Variants in MYLK observed in about 807,000 individuals in gnomAD.
MYLK encodes myosin light chain kinase.
In MYLK, 106 loss-of-function variants were observed where a neutral mutation model predicts 203.4. The observed-to-expected ratio is 0.52, with a 90% CI of 0.45 to 0.61. The LOEUF (loss-of-function observed/expected upper bound fraction) is 0.61, where lower values mean the gene tolerates loss of function less well. Among genes scored for constraint, MYLK ranks in the 20% least tolerant of loss-of-function variants. The pLI is 0.00. For missense variants in MYLK, 2,072 were observed against 2,442.3 expected (o/e 0.85, Z 3.20); for synonymous variants, 867 against 959.5 (o/e 0.90, Z 1.78).
chr3:123,682,804 TGACAAACCAAA>T (rs2060315224), intron 19 of MYLK, among the ~76,000 whole-genome samples: 1 of 152,118 alleles, frequency 6.6e-6, no homozygotes, highest in Non-Finnish European at 1.5e-5. Flanking sequence ...AACTTTGCAG[TGACAAACCAAA>T]CGGAGGCCTC....
At chr3:123,798,776 C>T (rs1577010959) in intron 3 of MYLK, among the ~76,000 whole-genome samples, 2 of 152,298 alleles carry the variant, frequency 1.3e-5, no homozygotes, top group Middle Eastern at 6.8e-3. Flanking sequence ...CCACACCAAA[C>T]AGCTCTGCTC....
chr3:123,851,626 A>T (rs1164880332), intron 2 of MYLK, among the ~76,000 whole-genome samples: 3 of 152,220 alleles, frequency 2.0e-5, no homozygotes, highest in Non-Finnish European at 4.4e-5. Flanking sequence ...GTTGCTTATC[A>T]GCTTAAGGAG....
At chr3:123,739,481 G>C (rs968607371) in intron 6 of MYLK, among the ~76,000 whole-genome samples, 1 of 152,230 alleles carries the variant, frequency 6.6e-6, no homozygotes, top group Admixed American at 6.5e-5. Flanking sequence ...CAAGGGCCTA[G>C]GAGATGAAAC....
chr3:123,768,841 T>C (rs61303373), intron 4 of MYLK, among the ~76,000 whole-genome samples: 6 of 152,304 alleles, frequency 3.9e-5, no homozygotes, highest in African/African-American at 1.2e-4. Flanking sequence ...CTTAGAAATA[T>C]GCACTGCTGG....
chr3:123,688,499 G>A (rs2060544192), intron 19 of MYLK, among the ~76,000 whole-genome samples: 3 of 152,090 alleles, frequency 2.0e-5, no homozygotes. Flanking sequence ...CCCCCATTGT[G>A]CTCCCTGCTT....
At chr3:123,806,304 C>T (rs1022103491) in intron 3 of MYLK, among the ~76,000 whole-genome samples, 1 of 152,188 alleles carries the variant, frequency 6.6e-6, no homozygotes, top group African/African-American at 2.4e-5. Flanking sequence ...GAGTGGACCA[C>T]TGTATCTTCA....
chr3:123,701,237 C>CAAAAA (rs35577296), intron 17 of MYLK, among the ~76,000 whole-genome samples: 1 of 116,250 alleles, frequency 8.6e-6, no homozygotes, highest in Admixed American at 9.2e-5. Flanking sequence ...AGGGTGTGTG[C>CAAAAA]AAAAAAAAAA....
At chr3:123,688,649 C>T (rs1487991807) in intron 19 of MYLK, among the ~76,000 whole-genome samples, 1 of 152,090 alleles carries the variant, frequency 6.6e-6, no homozygotes, top group Non-Finnish European at 1.5e-5. Context: ...GGTCCACGGT[C>T]CTCCTCAACC....
rs372790622 is a variant in MYLK at position 123,793,539 on chromosome 3, C to T, written c.165+138G>A. 134 of 902,510 alleles carry T rather than the reference C, an allele frequency of 1.5e-4. No individual in the cohort carries two copies. The Middle Eastern group carries it at 1.7e-3, about 12-fold the overall frequency. The allele number at this position is 902,510 out of a possible 1,614,324, so 55.9% of individuals were successfully genotyped here. On this transcript the variant is annotated intron_variant, in intron 4 of 33. Coordinates refer to ENST00000360304, the MANE Select transcript of MYLK (RefSeq NM_053025.4). The stretch of plus-strand genomic sequence containing the variant: ...AAACAAAAGAAAGAGAAAAGTGGCA[C>T]AGGTTCGTTTTACATGAAGGTCCAA...
At chr3:123,843,594 C>T (rs987003353) in intron 2 of MYLK, among the ~76,000 whole-genome samples, 7 of 152,192 alleles carry the variant, frequency 4.6e-5, no homozygotes, top group Non-Finnish European at 1.0e-4. Flanking sequence ...AAGAGAGATG[C>T]CTCCAACTTC....
intron 2 of MYLK, among the ~76,000 whole-genome samples, chr3:123,857,720 T>C (rs1372475303): frequency 1.3e-5 from 2 of 151,268 alleles, no homozygotes; most frequent in Non-Finnish European, 2.9e-5. Flanking sequence ...GTGGGTGCAG[T>C]GCACCAGCAT....
rs776358725 is a variant in MYLK, at chr3:123,701,004, C to T, written c.2464G>A (p.Gly822Arg). The change falls in exon 18 of 34, where the codon GGG (glycine) becomes AGG (arginine). Residue 822 changes from glycine to arginine, a missense_variant and splice_region_variant. Transcript: ENST00000360304. ...TCCTCGCAGCTGGCAGGCTCCCTCC[C>T]CCTGCAACCAGTGTAGGGAAAAAGG... Reference protein sequence around the residue: ...QNSSARALPRGREPASCEDLC... With the variant: ...QNSSARALPRRREPASCEDLC... 6 of 1,603,462 alleles carry T rather than the reference C, an allele frequency of 3.7e-6. No individual in the cohort carries two copies. Among genetic ancestry groups the T allele is most frequent in the Middle Eastern group, 1.7e-4 (1 of 6,058 alleles).
intron 29 of MYLK, among the ~76,000 whole-genome samples, chr3:123,637,451 G>A (rs1364922881): frequency 1.3e-5 from 2 of 152,166 alleles, no homozygotes; most frequent in Admixed American, 1.3e-4. Flanking sequence ...GGCCTAGATG[G>A]CTGGCCTCCC....
At chr3:123,694,452 C>G (rs1369530058) in intron 18 of MYLK, among the ~76,000 whole-genome samples, 1 of 152,104 alleles carries the variant, frequency 6.6e-6, no homozygotes, top group Non-Finnish European at 1.5e-5. Context: ...TTCCATTCAT[C>G]TGGGTGGGCG....
In MYLK at chr3:123,708,753, G is replaced by A. The variant is rs780052122; in HGVS notation, c.2085C>T (p.Cys695=). 10 of 1,614,060 alleles carry A rather than the reference G, an allele frequency of 6.2e-6. No individual in the cohort carries two copies. The highest frequency in any genetic ancestry group is 1.6e-4 in the Middle Eastern group (1 of 6,080). ...VFPEDTGTYT[C]EAWNSAGEVR... ...CCTCTCCAGCGCTGTTCCAGGCCTC[G>A]CAGGTGTACGTGCCCGTGTCCTCCG... is the stretch of plus-strand genomic sequence containing the variant. The change falls in exon 15 of 34, where the codon TGC becomes TGT. Residue 695 remains cysteine, a synonymous_variant. Transcript: ENST00000360304.
chr3:123,620,063 C>A, intron 32 of MYLK, 144 bp downstream of exon 32: 1 of 771,264 alleles, frequency 1.3e-6, no homozygotes, highest in Non-Finnish European at 2.2e-6. Context: ...ATTGTCAGGG[C>A]AACCCAAAAT....
intron 13 of MYLK, among the ~76,000 whole-genome samples, chr3:123,710,454 CTTCT>C (rs757841593): frequency 1.3e-5 from 2 of 152,196 alleles, no homozygotes; most frequent in African/African-American, 2.4e-5. Context: ...AACTGAAGAG[CTTCT>C]TTGTCATTTT....
rs566797783 is a variant in MYLK at position 123,679,751 on chromosome 3, C to T, written c.3652+2473G>A. ...AAGCACTTGCTACTAGCCTGCTGCT[C>T]CCCCACTAACTCAGACTGAGCTTCA... On this transcript the variant is annotated intron_variant, in intron 20 of 33. Coordinates refer to ENST00000360304, the MANE Select transcript of MYLK (RefSeq NM_053025.4). 2.9e-4 allele frequency among the ~76,000 whole-genome samples: 44 copies of T among 152,246 alleles called. No individual in the cohort carries two copies. In the South Asian group the frequency reaches 8.9e-3, roughly 31 times the overall value.
intron 2 of MYLK, among the ~76,000 whole-genome samples, chr3:123,872,146 T>C (rs1279776481): frequency 2.0e-5 from 3 of 152,152 alleles, no homozygotes; most frequent in Non-Finnish European, 2.9e-5. Context: ...TATCCATCTA[T>C]TGTCTGTGGC....
Sources: allele counts gnomAD v4.1 joint callset (sites outside exome capture counted in the v4.1 genomes callset), GRCh38; gene constraint gnomAD v4.1.1; transcripts MANE v1.5; gene names NCBI Gene and HGNC (gene_info 2026-07-23, HGNC 2026-07-21).